Variants in ACTR3C observed in about 807,000 individuals in gnomAD.
The protein encoded by ACTR3C is actin-related protein 3C.
Under a neutral mutation model 26.3 loss-of-function variants are expected in ACTR3C, and 18 were observed. The observed-to-expected ratio is 0.68, with a 90% CI of 0.47 to 1.01. The LOEUF (loss-of-function observed/expected upper bound fraction) is 1.01. ACTR3C is among the 50% of genes least tolerant of loss of function. The pLI is 0.00. For missense variants in ACTR3C, 184 were observed against 250.7 expected, an observed-to-expected ratio of 0.73 and a Z score of 1.80; for synonymous variants, 55 against 94.5, an observed-to-expected ratio of 0.58 and a Z score of 2.42.
the ACTR3C span, among the ~76,000 whole-genome samples, chr7:150,100,555 ATAT>A: frequency 6.6e-6 from 1 of 151,870 alleles, no homozygotes; most frequent in African/African-American, 2.4e-5. Context: ...CTCAAAGAAA[ATAT>A]TATCATGCCC....
intron 1 of ACTR3C, among the ~76,000 whole-genome samples, chr7:150,314,446 C>A (rs1008516009): frequency 3.9e-5 from 6 of 152,030 alleles, no homozygotes; most frequent in African/African-American, 1.5e-4. Context: ...TACTGATTGG[C>A]TCAGAAGAAG....
the ACTR3C span, among the ~76,000 whole-genome samples, chr7:149,956,346 C>T: frequency 1.1e-4 from 17 of 152,080 alleles, no homozygotes; most frequent in Non-Finnish European, 2.2e-4. Flanking sequence ...CACTTGAGTC[C>T]AGGAGTTCGA....
At chr7:150,183,109 A>G in the ACTR3C span, among the ~76,000 whole-genome samples, 1 of 151,018 alleles carries the variant, frequency 6.6e-6, no homozygotes, top group South Asian at 2.1e-4. Context: ...CTTTAATTTT[A>G]AATGCCACGT....
chr7:149,903,249 C>A, the ACTR3C span, among the ~76,000 whole-genome samples: 1 of 145,488 alleles, frequency 6.9e-6, no homozygotes, highest in African/African-American at 2.5e-5. Flanking sequence ...GCCAACACAG[C>A]AAGACCAAGA....
At chr7:149,895,143 G>GA in the ACTR3C span, among the ~76,000 whole-genome samples, 1 of 106,858 alleles carries the variant, frequency 9.4e-6, no homozygotes, top group Non-Finnish European at 2.4e-5. Flanking sequence ...GCCAGGCACA[G>GA]AAAGACAAAT....
At chr7:149,957,312 T>C in the ACTR3C span, among the ~76,000 whole-genome samples, 1 of 152,190 alleles carries the variant, frequency 6.6e-6, no homozygotes, top group Admixed American at 6.5e-5. Flanking sequence ...CGATGGCTAA[T>C]TTCATTAACC....
At chr7:149,963,484 T>C in the ACTR3C span, among the ~76,000 whole-genome samples, 24 of 152,150 alleles carry the variant, frequency 1.6e-4, no homozygotes, top group African/African-American at 5.8e-4. Context: ...TCCTCATTTA[T>C]CCCCTCTCTC....
the ACTR3C span, among the ~76,000 whole-genome samples, chr7:150,178,280 CTTTTT>C: frequency 2.4e-5 from 3 of 125,076 alleles, no homozygotes; most frequent in African/African-American, 3.2e-5. Context: ...AACAGGAATA[CTTTTT>C]TTTTTTTTTT....
At chr7:150,215,074 T>TA in the ACTR3C span, among the ~76,000 whole-genome samples, 1 of 150,610 alleles carries the variant, frequency 6.6e-6, no homozygotes, top group African/African-American at 2.5e-5. Context: ...TCCTTTTTTT[T>TA]AATGTCCTAA....
chr7:150,123,727 G>A, the ACTR3C span, among the ~76,000 whole-genome samples: 115 of 152,280 alleles, frequency 7.6e-4, 5 homozygotes, highest in South Asian at 0.023. Flanking sequence ...AAAACATGGA[G>A]ATTTCTGTAT....
chr7:150,110,507 G>GTTGGCAAGGGGCAAAA, the ACTR3C span, among the ~76,000 whole-genome samples: 2 of 117,500 alleles, frequency 1.7e-5, no homozygotes, highest in East Asian at 2.4e-4. Context: ...AGGAGGTGGG[G>GTTGGCAAGGGGCAAAA]CTGCCTGAGG....
chr7:150,215,623 G>A, the ACTR3C span, among the ~76,000 whole-genome samples: 1 of 152,146 alleles, frequency 6.6e-6, no homozygotes, highest in East Asian at 1.9e-4. Flanking sequence ...GGAGACAAAG[G>A]TGGAATGAGA....
chr7:150,236,859 T>C, the ACTR3C span, among the ~76,000 whole-genome samples: 2 of 150,200 alleles, frequency 1.3e-5, no homozygotes, highest in Non-Finnish European at 2.9e-5. Context: ...TACCTTCCAG[T>C]CTATTAGGTC....
downstream of ACTR3C, chr7:150,246,904 C>T (rs567929664): frequency 2.0e-5 from 3 of 152,314 alleles, no homozygotes; most frequent in Non-Finnish European, 4.4e-5. Context: ...GCAATTCTCC[C>T]GCCTCCACTT....
At chr7:150,058,705 A>G in the ACTR3C span, among the ~76,000 whole-genome samples, 1 of 152,330 alleles carries the variant, frequency 6.6e-6, no homozygotes, top group Non-Finnish European at 1.5e-5. Context: ...TCACGAGGTC[A>G]GGAAATCGAG....
the ACTR3C span, among the ~76,000 whole-genome samples, chr7:150,070,799 C>CTTT: frequency 1.6e-4 from 21 of 134,192 alleles, no homozygotes; most frequent in African/African-American, 5.9e-4. Flanking sequence ...TTTTTCTTTT[C>CTTT]TTTTTTTTTT....
the ACTR3C span, among the ~76,000 whole-genome samples, chr7:149,896,659 T>C: frequency 5.3e-4 from 78 of 148,474 alleles, no homozygotes; most frequent in African/African-American, 1.6e-3. Flanking sequence ...AGTATATACA[T>C]AACAACACTC....
chr7:150,263,749 A>G (rs1833825838), intron 6 of ACTR3C, among the ~76,000 whole-genome samples: 1 of 152,230 alleles, frequency 6.6e-6, no homozygotes. Flanking sequence ...AAGACAGAAT[A>G]TCTGCAAAGA....
At chr7:149,904,760 C>G in the ACTR3C span, among the ~76,000 whole-genome samples, 1 of 151,170 alleles carries the variant, frequency 6.6e-6, no homozygotes, top group African/African-American at 2.4e-5. Flanking sequence ...CTTTGGGAGG[C>G]CAAGGCAGGA....
Sources: allele counts gnomAD v4.1 joint callset (sites outside exome capture counted in the v4.1 genomes callset), GRCh38; gene constraint gnomAD v4.1.1; transcripts MANE v1.5; gene names NCBI Gene and HGNC (gene_info 2026-07-23, HGNC 2026-07-21).